Variants in RASGRP3 observed in about 807,000 individuals in gnomAD.
The protein encoded by RASGRP3 is RAS guanyl releasing protein 3, also known as ras guanyl-releasing protein 3.
A neutral mutation model predicts 82.7 loss-of-function variants in RASGRP3; 54 were observed. That is an observed-to-expected ratio of 0.65 (90% CI 0.52 to 0.82). The LOEUF is 0.82. RASGRP3 is among the 40% of genes least tolerant of loss of function. The pLI is 0.00. For synonymous variants in RASGRP3, 309 were observed against 300.5 expected (o/e 1.03, Z -0.29); for missense variants, 861 against 828.9 (o/e 1.04, Z -0.48).
intron 1 of RASGRP3, among the ~76,000 whole-genome samples, chr2:33,506,020 C>T (rs1310128055): frequency 3.9e-5 from 6 of 152,100 alleles, no homozygotes; most frequent in Admixed American, 2.0e-4. Context: ...TACCAGTAAC[C>T]AAGAAAACAT....
rs1048252249 is a variant in RASGRP3 at position 33,479,845 on chromosome 2, C to G, written c.-261+3138C>G. On this transcript the variant is annotated intron_variant, in intron 1 of 17. Transcript: ENST00000403687. The stretch of plus-strand genomic sequence containing the variant: ...CATTCCTCCACTTTAGGTTAAGTGT[C>G]AAAATTAGGGTTGGAGATAATGGGA... 4.6e-5 allele frequency among the ~76,000 whole-genome samples: 7 copies of G among 151,954 alleles called. No individual in the cohort carries two copies. In the East Asian group the frequency reaches 1.4e-3, roughly 29 times the overall value.
intron 13 of RASGRP3, among the ~76,000 whole-genome samples, chr2:33,548,027 G>T (rs1308641655): frequency 1.3e-5 from 2 of 152,182 alleles, no homozygotes; most frequent in African/African-American, 4.8e-5. Flanking sequence ...AATGATAAAA[G>T]AACCTAAGGG....
chr2:33,443,969 TC>T (rs1307131078), intron 1 of RASGRP3, among the ~76,000 whole-genome samples: 3 of 152,082 alleles, frequency 2.0e-5, no homozygotes, highest in Non-Finnish European at 2.9e-5. Flanking sequence ...TGACCACATT[TC>T]AAAAAATAAA....
chr2:33,538,281 T>C (rs567985138), intron 11 of RASGRP3, among the ~76,000 whole-genome samples: 1 of 152,226 alleles, frequency 6.6e-6, no homozygotes, highest in East Asian at 1.9e-4. Flanking sequence ...GGCAGGTGGA[T>C]CATCTGAGGT....
intron 10 of RASGRP3, chr2:33,533,765 T>C (rs1673327390): frequency 6.5e-6 from 1 of 153,694 alleles, no homozygotes; most frequent in Non-Finnish European, 1.4e-5. Flanking sequence ...AGCAACTACT[T>C]CACACTCAGC....
rs1034471437 is a variant in RASGRP3 at position 33,538,961 on chromosome 2, C to G, written c.1162-133C>G. The G allele has an allele frequency of 6.4e-6, 4 of 626,956 alleles. No homozygotes were observed. In the African/African-American group the frequency reaches 7.4e-5, roughly 12 times the overall value. 38.8% of individuals were successfully genotyped at this position (626,956 alleles called of 1,614,324 possible). ...GGCTGAGGTGGAAGGATGGCTTGAG[C>G]CCAGGAGGCAGAAATTGTAGTGAGC... On this transcript the variant is annotated intron_variant, in intron 11 of 17. Coordinates refer to ENST00000403687, the MANE Select transcript of RASGRP3 (RefSeq NM_001139488.2).
chr2:33,480,152 C>T (rs1667763036), intron 1 of RASGRP3, among the ~76,000 whole-genome samples: 1 of 150,880 alleles, frequency 6.6e-6, no homozygotes, highest in Non-Finnish European at 1.5e-5. Context: ...ACACCATTCT[C>T]CTGCCTCAGC....
At chr2:33,444,266 A>G (rs1296061996) in intron 1 of RASGRP3, among the ~76,000 whole-genome samples, 1 of 151,842 alleles carries the variant, frequency 6.6e-6, no homozygotes, top group Non-Finnish European at 1.5e-5. Context: ...TGATTGCACC[A>G]CTCACTGCAC....
At chr2:33,551,092 C>G (rs890703840) in intron 14 of RASGRP3, among the ~76,000 whole-genome samples, 13 of 152,178 alleles carry the variant, frequency 8.5e-5, no homozygotes, top group Admixed American at 7.9e-4. Flanking sequence ...GCAAGCAGAT[C>G]ACCTGAGGTC....
Position 33,558,792 on chromosome 2 carries a change from C to A in RASGRP3, c.1826C>A (p.Thr609Asn). Reference sequence around the variant, plus strand: ...ATCTCTGTGAGGCTACAGAGGGCCACCACCAGCCAGGCCACCCAGACTGAA... The same window carrying A: ...ATCTCTGTGAGGCTACAGAGGGCCAACACCAGCCAGGCCACCCAGACTGAA... ...RKISVRLQRA[T>N]TSQATQTEPV... The change falls in exon 17 of 18, where the codon ACC becomes AAC. Residue 609 changes from threonine to asparagine, a missense_variant. By Grantham distance (65) the Thr-to-Asn change is moderately conservative (BLOSUM62 0). Transcript: ENST00000403687. 1 of 1,614,014 alleles carries A rather than the reference C, an allele frequency of 6.2e-7. No homozygotes were observed. The highest frequency in any genetic ancestry group is 1.1e-5 in the South Asian group (1 of 91,084).
At chr2:33,439,800 A>G (rs1442771158) in intron 1 of RASGRP3, among the ~76,000 whole-genome samples, 12 of 152,016 alleles carry the variant, frequency 7.9e-5, no homozygotes, top group Non-Finnish European at 1.5e-5. Flanking sequence ...TGAACTAAGG[A>G]GTCAAGAATT....
chr2:33,474,918 C>G (rs1667267907), upstream of RASGRP3, among the ~76,000 whole-genome samples: 1 of 152,186 alleles, frequency 6.6e-6, no homozygotes, highest in Admixed American at 6.5e-5. Flanking sequence ...CTAGAAGTCC[C>G]TGTTTCTTTA....
chr2:33,445,557 G>C (rs1232929387), intron 1 of RASGRP3, among the ~76,000 whole-genome samples: 1 of 152,004 alleles, frequency 6.6e-6, no homozygotes, highest in African/African-American at 2.4e-5. Context: ...GTTATAAATA[G>C]TGACTGCATA....
intron 1 of RASGRP3, among the ~76,000 whole-genome samples, chr2:33,510,743 AG>A (rs2151000079): frequency 6.6e-6 from 1 of 152,294 alleles, no homozygotes; most frequent in African/African-American, 2.4e-5. Context: ...TAAACAGTCT[AG>A]TAAAGTACGC....
In RASGRP3 at chr2:33,491,850, C is replaced by T. The variant is rs564500727; in HGVS notation, c.-261+15143C>T. The stretch of plus-strand genomic sequence containing the variant: ...TGGTGGACAGCACAGCACAGCAGCC[C>T]GTGGCTGAGGCTTAGGCTAGGGCAC... On this transcript the variant is annotated intron_variant, in intron 1 of 17. Coordinates refer to ENST00000403687, the MANE Select transcript of RASGRP3 (RefSeq NM_001139488.2). 9.8e-5 allele frequency among the ~76,000 whole-genome samples: 15 copies of T among 152,336 alleles called. No homozygotes were observed. In the South Asian group the frequency reaches 2.5e-3, roughly 25 times the overall value.
intron 1 of RASGRP3, among the ~76,000 whole-genome samples, chr2:33,440,226 T>C (rs752144023): frequency 7.3e-5 from 11 of 151,138 alleles, no homozygotes; most frequent in Non-Finnish European, 1.5e-4. Context: ...GAACTGGAAA[T>C]AAAAACGACA....
At chr2:33,562,426 C>A (rs1676775274) in intron 17 of RASGRP3, among the ~76,000 whole-genome samples, 1 of 151,980 alleles carries the variant, frequency 6.6e-6, no homozygotes, top group African/African-American at 2.4e-5. Flanking sequence ...TGCCACCATA[C>A]CCAGCTGGTT....
intron 2 of RASGRP3, among the ~76,000 whole-genome samples, chr2:33,471,236 T>C (rs764654337): frequency 3.3e-5 from 5 of 152,162 alleles, no homozygotes; most frequent in Non-Finnish European, 7.4e-5. Flanking sequence ...AGTGCAGTGG[T>C]GTGATCATAC....
rs751031487 is a variant in RASGRP3 at position 33,520,532 on chromosome 2, A to G, written c.237-21A>G. 4 of 1,611,894 alleles carry G rather than the reference A, an allele frequency of 2.5e-6. No individual in the cohort carries two copies. The East Asian group carries it at 8.9e-5, about 36-fold the overall frequency. On this transcript the variant is annotated intron_variant, in intron 5 of 17. Transcript: ENST00000403687. ...CCAACTTGCAATCTTCCAGCTGCCA[A>G]AAATATTTGATGCCTTTCAGGTACT...
Sources: gnomAD v4.1 joint callset for allele counts (sites outside exome capture counted in the v4.1 genomes callset) on GRCh38, gnomAD v4.1.1 for gene constraint, MANE v1.5 for transcripts, NCBI Gene and HGNC (gene_info 2026-07-23, HGNC 2026-07-21) for gene names.